The following ARAP1 variants were observed in gnomAD, a reference collection of about 807,000 sequenced individuals.
ARAP1 encodes the protein arf-GAP with Rho-GAP domain, ANK repeat and PH domain-containing protein 1.
ARAP1 carries 76 observed loss-of-function variants against 172.2 expected under a neutral mutation model. The ratio of observed to expected loss-of-function variants is 0.44; its 90% CI spans 0.37 to 0.53. The LOEUF (loss-of-function observed/expected upper bound fraction) is 0.53. Ranked by LOEUF, ARAP1 falls within the 20% of genes least tolerant of loss-of-function variation. The pLI is 0.00. For synonymous variants in ARAP1, 804 were observed against 803.3 expected, an observed-to-expected ratio of 1.00 and a Z score of -0.01; for missense variants, 1,686 against 1,977.5, an observed-to-expected ratio of 0.85 and a Z score of 2.80.
chr11:72,693,662 G>T lies in ARAP1; in HGVS notation c.3808+30C>A. 2 of 1,573,716 alleles carry T rather than the reference G, an allele frequency of 1.3e-6. No homozygotes were observed. Among genetic ancestry groups the T allele is most frequent in the South Asian group, 2.3e-5 (2 of 86,418 alleles). On this transcript the variant is annotated intron_variant, in intron 28 of 34. Coordinates refer to ENST00000393609, the MANE Select transcript of ARAP1 (RefSeq NM_001040118.3). This position sits in a 1 kb window ranked among gnomAD's most constrained non-coding sequence, Gnocchi z 4.6. ...TGGCTCTGGAAGAGAGGACCACCCG[G>T]AGCCTGGCCACCCTGCAGGCACCAC...
chr11:72,701,607 C>G (rs1416146669), intron 16 of ARAP1, 42 bp downstream of exon 16: 1 of 1,593,048 alleles, frequency 6.3e-7, no homozygotes, highest in South Asian at 1.1e-5. Flanking sequence ...GCAGCCGTGA[C>G]CAGATGCCAT....
Position 72,687,677 on chromosome 11 carries a change from CG to C in ARAP1, c.4121+10del. 1 of 1,614,162 alleles carries C rather than the reference CG, an allele frequency of 6.2e-7. No individual in the cohort carries two copies. The highest frequency in any genetic ancestry group is 8.5e-7 in the Non-Finnish European group (1 of 1,180,026). On this transcript the variant is annotated intron_variant, in intron 32 of 34. Coordinates refer to ENST00000393609, the MANE Select transcript of ARAP1 (RefSeq NM_001040118.3). The stretch of plus-strand genomic sequence containing the variant: ...CTCAGCCTGGGATCTCAGGATGAGG[CG>C]CTCACTCACCACTGCTGCTTCTCAT...
chr11:72,694,699 C>T (rs927432168), intron 27 of ARAP1, among the ~76,000 whole-genome samples: 1 of 152,164 alleles, frequency 6.6e-6, no homozygotes, highest in Admixed American at 6.5e-5. Context: ...GATACAGCCT[C>T]ATCCTCCACT....
chr11:72,711,613 G>A, intron 7 of ARAP1, 114 bp from the exon 8 acceptor site: 1 of 836,362 alleles, frequency 1.2e-6, no homozygotes, highest in Non-Finnish European at 1.9e-6. Flanking sequence ...GTTCTAGGGA[G>A]GAAGAATCCC....
intron 8 of ARAP1, 75 bp downstream of exon 8, chr11:72,711,355 G>T: frequency 6.5e-7 from 1 of 1,547,370 alleles, no homozygotes; most frequent in Non-Finnish European, 8.9e-7. Context: ...TCTGGGGAGG[G>T]ACGCCACCTC....
At chr11:72,721,726 G>A (rs1358715191) in intron 3 of ARAP1, 1 of 855,682 alleles carries the variant, frequency 1.2e-6, no homozygotes, top group Non-Finnish European at 1.4e-6. Flanking sequence ...GAGAAAAAAA[G>A]AGAAGGGGGA....
chr11:72,717,191 C>T (rs1565224280), intron 3 of ARAP1, among the ~76,000 whole-genome samples: 1 of 152,136 alleles, frequency 6.6e-6, no homozygotes, highest in Non-Finnish European at 1.5e-5. Flanking sequence ...TGGTCACCTG[C>T]GATTCCCTTA....
chr11:72,737,776 A>C (rs1006364365), intron 1 of ARAP1, among the ~76,000 whole-genome samples: 1 of 151,892 alleles, frequency 6.6e-6, no homozygotes, highest in Non-Finnish European at 1.5e-5. Context: ...AGGGGCATGC[A>C]CCATGCCTGG....
intron 12 of ARAP1, 59 bp from the exon 13 acceptor site, chr11:72,705,949 C>G: frequency 6.4e-7 from 1 of 1,567,708 alleles, no homozygotes. Flanking sequence ...GGAGCACTTA[C>G]CCACCCCCAG....
intron 3 of ARAP1, among the ~76,000 whole-genome samples, chr11:72,719,235 T>C (rs1389394300): frequency 1.3e-5 from 2 of 152,180 alleles, no homozygotes; most frequent in Non-Finnish European, 2.9e-5. Flanking sequence ...AACACATCAC[T>C]GCCCTGCCCA....
In ARAP1 at chr11:72,741,279, C is replaced by T. The variant is rs550312705; in HGVS notation, c.-127-8682G>A. 7.9e-5 allele frequency among the ~76,000 whole-genome samples: 12 copies of T among 152,204 alleles called. No individual in the cohort carries two copies. The highest frequency in any genetic ancestry group is 4.6e-4 in the Admixed American group (7 of 15,284). On this transcript the variant is annotated intron_variant, in intron 1 of 34. Coordinates refer to ENST00000393609, the MANE Select transcript of ARAP1 (RefSeq NM_001040118.3). This position sits in a 1 kb window ranked among gnomAD's most constrained non-coding sequence, Gnocchi z 4.5. ...GCAACCAGGACATACTCTAGCCCACCGGGCTCATCTAATACATGGCATAGC... is the reference window on the plus strand; with the variant it reads ...GCAACCAGGACATACTCTAGCCCACTGGGCTCATCTAATACATGGCATAGC...
intron 7 of ARAP1, 111 bp from the exon 8 acceptor site, chr11:72,711,610 G>A (rs1482123652): frequency 4.5e-6 from 4 of 892,010 alleles, no homozygotes; most frequent in African/African-American, 3.3e-5. Context: ...CAGGTTCTAG[G>A]GAGGAAGAAT....
Position 72,707,180 on chromosome 11 carries a change from C to G in ARAP1, c.1718G>C (p.Cys573Ser). 6.3e-7 allele frequency: 1 copy of G among 1,587,622 alleles called. No homozygotes were observed. Among genetic ancestry groups the G allele is most frequent in the Non-Finnish European group, 8.6e-7 (1 of 1,166,664 alleles). ...INLCVVICKR[C>S]AGEHRGLGAG... ...CCCGACCCCCATGCACACACCTGCA[C>G]AGCGCTTGCAGATAACAACACAGAG... Residue 573 changes from cysteine (C) to serine (S), a missense_variant, in exon 12 of 35, where the codon TGT becomes TCT. By Grantham distance (112) the Cys-to-Ser change is moderately radical. This residue lies in a region of ARAP1 where 688 missense variants were observed against 856.9 expected (regional missense o/e 0.80). Coordinates refer to ENST00000393609, the MANE Select transcript of ARAP1 (RefSeq NM_001040118.3).
rs377110610 is a variant in ARAP1 at position 72,697,982 on chromosome 11, G to C, written c.2666C>G (p.Ser889Trp). ...CTCCGGGAAGACAGCACGGAGCTCC[G>C]AGCCACTGAGAGAGAACCAGCCCTC... is the stretch of plus-strand genomic sequence containing the variant. ...AQEGWFSLSGSELRAVFPEGP... is the reference protein window; with the variant it reads ...AQEGWFSLSGWELRAVFPEGP... The change falls in exon 19 of 35, where the codon TCG becomes TGG. Residue 889 changes from serine to tryptophan, a missense_variant. This residue lies in a region of ARAP1 where 274 missense variants were observed against 262.7 expected (regional missense o/e 1.04). Coordinates refer to ENST00000393609, the MANE Select transcript of ARAP1 (RefSeq NM_001040118.3). The C allele has an allele frequency of 1.3e-5, 21 of 1,611,914 alleles. No homozygotes were observed. The African/African-American group carries it at 1.9e-4, about 14-fold the overall frequency.
intron 3 of ARAP1, among the ~76,000 whole-genome samples, chr11:72,717,635 C>G (rs571075182): frequency 2.6e-5 from 4 of 152,328 alleles, no homozygotes; most frequent in African/African-American, 9.6e-5. Context: ...TGGGGTAACT[C>G]CAGCACTCAG....
Position 72,695,192 on chromosome 11 carries a change from C to T in ARAP1, c.3577-95G>A. The T allele has an allele frequency of 6.9e-7, 1 of 1,439,290 alleles. No homozygotes were observed. The highest frequency in any genetic ancestry group is 9.7e-7 in the Non-Finnish European group (1 of 1,035,728). The allele number at this position is 1,439,290 out of a possible 1,614,324, so 89.2% of individuals were successfully genotyped here. A position where few individuals can be genotyped will look rare whatever the true frequency, so the allele number is the denominator to read the frequency against. ...ACTCAGAGCCTGAGCCCATCCTTCT[C>T]AGGCCCTTCTGGAGTCCTGGGATAG... On this transcript the variant is annotated intron_variant, in intron 26 of 34. Transcript: ENST00000393609. This position sits in a 1 kb window ranked among gnomAD's most constrained non-coding sequence, Gnocchi z 4.4.
rs796756905 is a variant in ARAP1 at position 72,723,613 on chromosome 11, G to A, written c.509+3007C>T. ...AGGATGGGGGACAGGGAGCTGGGGC[G>A]GTGAGCTCAGGGCCCTATGGCCCAG... On this transcript the variant is annotated intron_variant, in intron 3 of 34. Coordinates refer to ENST00000393609, the MANE Select transcript of ARAP1 (RefSeq NM_001040118.3). 5.3e-5 allele frequency among the ~76,000 whole-genome samples: 8 copies of A among 152,270 alleles called. No individual in the cohort carries two copies. In the East Asian group the frequency reaches 5.8e-4, roughly 11 times the overall value.
intron 4 of ARAP1, 131 bp downstream of exon 4, chr11:72,714,021 C>G: frequency 9.4e-7 from 1 of 1,059,488 alleles, no homozygotes; most frequent in Non-Finnish European, 1.3e-6. Flanking sequence ...GTGACCTGCC[C>G]GGGGCCACAC....
chr11:72,746,656 A>G (rs998555484), intron 1 of ARAP1, among the ~76,000 whole-genome samples: 1 of 151,634 alleles, frequency 6.6e-6, no homozygotes, highest in Non-Finnish European at 1.5e-5. Context: ...GGAGTGGAAC[A>G]GCCCCCTCCC....
Sources: gnomAD v4.1 joint callset for allele counts (sites outside exome capture counted in the v4.1 genomes callset) on GRCh38, gnomAD v4.1.1 for gene constraint, gnomAD v4.1.1 regional missense constraint, Gnocchi (gnomAD v3.1) non-coding constraint, MANE v1.5 for transcripts, NCBI Gene and HGNC (gene_info 2026-07-23, HGNC 2026-07-21) for gene names.